Variants in TRMT10B observed in about 807,000 individuals in gnomAD.
The protein encoded by TRMT10B is tRNA methyltransferase 10 homolog B.
TRMT10B carries 33 observed loss-of-function variants against 43.8 expected under a neutral mutation model. The ratio of observed to expected loss-of-function variants is 0.75; its 90% CI spans 0.57 to 1.01. The LOEUF (loss-of-function observed/expected upper bound fraction) is 1.01, where lower values mean the gene tolerates loss of function less well. TRMT10B is among the 50% of genes least tolerant of loss of function. The probability of loss-of-function intolerance (pLI) is 0.00; values close to 1 mark genes in which losing one functional copy is unlikely to be tolerated. For synonymous variants in TRMT10B, 137 were observed against 130.6 expected (o/e 1.05, Z -0.34); for missense variants, 362 against 369.8 (o/e 0.98, Z 0.17).
intron 7 of TRMT10B, among the ~76,000 whole-genome samples, chr9:37,775,435 G>C (rs553386660): frequency 5.5e-4 from 84 of 152,278 alleles, no homozygotes; most frequent in African/African-American, 1.9e-3. Context: ...CATGACTAAG[G>C]AACATCTTAT....
intron 7 of TRMT10B, among the ~76,000 whole-genome samples, chr9:37,773,206 C>G (rs1011823116): frequency 4.6e-5 from 7 of 152,148 alleles, no homozygotes; most frequent in African/African-American, 1.7e-4. Context: ...CTTCTGGTCT[C>G]AAGCAATCCT....
intron 1 of TRMT10B, among the ~76,000 whole-genome samples, chr9:37,756,537 C>T (rs1425799968): frequency 6.6e-6 from 1 of 151,848 alleles, no homozygotes; most frequent in Admixed American, 6.6e-5. Flanking sequence ...GAAACCTGAT[C>T]TCTACTTAAA....
intron 7 of TRMT10B, among the ~76,000 whole-genome samples, chr9:37,771,629 ATAGAAT>A (rs1230592245): frequency 2.0e-5 from 3 of 152,240 alleles, no homozygotes; most frequent in African/African-American, 7.2e-5. Context: ...GGAATGCATA[ATAGAAT>A]TAGAAAATCA....
intron 1 of TRMT10B, among the ~76,000 whole-genome samples, chr9:37,761,179 T>C (rs1272072891): frequency 1.3e-5 from 2 of 152,230 alleles, no homozygotes; most frequent in African/African-American, 2.4e-5. Flanking sequence ...GTACAGTACC[T>C]TACTTACAGT....
intron 1 of TRMT10B, among the ~76,000 whole-genome samples, chr9:37,757,003 T>C (rs1179638138): frequency 1.5e-5 from 2 of 137,180 alleles, no homozygotes; most frequent in Admixed American, 7.3e-5. Flanking sequence ...ACCTATCTCT[T>C]AACTTTTTTT....
chr9:37,766,032 T>C (rs1408557578), intron 4 of TRMT10B, among the ~76,000 whole-genome samples: 4 of 152,090 alleles, frequency 2.6e-5, no homozygotes, highest in African/African-American at 7.2e-5. Flanking sequence ...GTAGGTTGCC[T>C]GTTCACTCTG....
chr9:37,766,070 C>T (rs911980059), intron 4 of TRMT10B, among the ~76,000 whole-genome samples: 5 of 152,048 alleles, frequency 3.3e-5, no homozygotes, highest in Non-Finnish European at 7.4e-5. Flanking sequence ...TGTGCAGAAG[C>T]TCTTTAGTTG....
At chr9:37,776,156 C>A in intron 7 of TRMT10B, 126 bp from the exon 8 acceptor site, 1 of 811,424 alleles carries the variant, frequency 1.2e-6, no homozygotes. Context: ...GCTCTTGAGA[C>A]AGTTAACTCA....
chr9:37,762,782 G>A, intron 3 of TRMT10B, 97 bp downstream of exon 3: 1 of 1,400,184 alleles, frequency 7.1e-7, no homozygotes, highest in East Asian at 2.6e-5. Flanking sequence ...TAAGTAAAAA[G>A]CATCTGGGAT....
At chr9:37,765,405 A>G (rs958581137) in intron 4 of TRMT10B, among the ~76,000 whole-genome samples, 1 of 152,192 alleles carries the variant, frequency 6.6e-6, no homozygotes, top group Non-Finnish European at 1.5e-5. Context: ...AGCTTCATCC[A>G]TGTCCCTACA....
At chr9:37,759,299 A>T (rs929557910) in intron 1 of TRMT10B, among the ~76,000 whole-genome samples, 25 of 152,262 alleles carry the variant, frequency 1.6e-4, no homozygotes, top group African/African-American at 6.0e-4. Flanking sequence ...CTCAGCAATA[A>T]AAAAGCAACT....
chr9:37,760,686 C>T (rs114806644), intron 1 of TRMT10B, among the ~76,000 whole-genome samples: 41 of 152,182 alleles, frequency 2.7e-4, no homozygotes, highest in Middle Eastern at 3.4e-3. Flanking sequence ...CAAGGGTTGC[C>T]ACTAGAGGTG....
At chr9:37,754,458 C>T (rs995774637) in intron 1 of TRMT10B, among the ~76,000 whole-genome samples, 2 of 152,108 alleles carry the variant, frequency 1.3e-5, no homozygotes, top group African/African-American at 2.4e-5. Context: ...CTGCATAGGT[C>T]ATTGTATGGA....
intron 1 of TRMT10B, among the ~76,000 whole-genome samples, chr9:37,760,168 A>G (rs1826171938): frequency 6.6e-6 from 1 of 152,204 alleles, no homozygotes; most frequent in Admixed American, 6.5e-5. Context: ...TCTACTAAAA[A>G]TAAAATTAGC....
At chr9:37,775,573 A>C (rs956680479) in intron 7 of TRMT10B, among the ~76,000 whole-genome samples, 1 of 152,178 alleles carries the variant, frequency 6.6e-6, no homozygotes, top group Non-Finnish European at 1.5e-5. Flanking sequence ...TCTGTCACCC[A>C]GGCTGGAGTG....
rs770438779 is a variant in TRMT10B, at chr9:37,770,706, C to T, written c.687C>T (p.Ile229=). 3.7e-6 allele frequency: 6 copies of T among 1,613,968 alleles called. No homozygotes were observed. The highest frequency in any genetic ancestry group is 1.7e-5 in the Admixed American group (1 of 59,988). ...ATGTTGATCTAAACAAAGTTTACATCCTCGGTGGGCTTGTGGATGAAAGCA... is the reference window on the plus strand; with the variant it reads ...ATGTTGATCTAAACAAAGTTTACATTCTCGGTGGGCTTGTGGATGAAAGCA... ...LEDVDLNKVY[I]LGGLVDESIQ... is the part of the protein sequence containing the mutation. The change falls in exon 7 of 9, where the codon ATC becomes ATT. Residue 229 remains isoleucine (I), a synonymous_variant. Transcript: ENST00000297994.
At chr9:37,761,797 T>C (rs1826364976) in intron 1 of TRMT10B, 106 bp from the exon 2 acceptor site, 1 of 774,568 alleles carries the variant, frequency 1.3e-6, no homozygotes, top group Admixed American at 2.9e-5. Flanking sequence ...TTCAGTATTT[T>C]ACACACTTCT....
Position 37,763,931 on chromosome 9 carries a change from A to C in TRMT10B, c.420+178A>C, listed in dbSNP as rs1004507670. The C allele has an allele frequency of 2.3e-6, 3 of 1,300,894 alleles. No homozygotes were observed. In the African/African-American group the frequency reaches 4.5e-5, roughly 19 times the overall value. The allele number at this position is 1,300,894 out of a possible 1,614,324, so 80.6% of individuals were successfully genotyped here. On this transcript the variant is annotated intron_variant, in intron 4 of 8. Coordinates refer to ENST00000297994, the MANE Select transcript of TRMT10B (RefSeq NM_144964.4). ...AGGTGGCTGTTGTAACGAACCTGGAAGAGAATATATATAGTTTGGTTTAGT... is the reference window on the plus strand; with the variant it reads ...AGGTGGCTGTTGTAACGAACCTGGACGAGAATATATATAGTTTGGTTTAGT...
At chr9:37,753,012 G>C (rs7861025), upstream of TRMT10B, among the ~76,000 whole-genome samples, 1 of 151,862 alleles carries the variant, frequency 6.6e-6, no homozygotes, top group Non-Finnish European at 1.5e-5. Context: ...TATAACACTC[G>C]CCGTGAAGAT....
Sources: allele counts gnomAD v4.1 joint callset (sites outside exome capture counted in the v4.1 genomes callset), GRCh38; gene constraint gnomAD v4.1.1; transcripts MANE v1.5; gene names NCBI Gene and HGNC (gene_info 2026-07-23, HGNC 2026-07-21).